Variants in LRRTM4 observed in about 807,000 individuals in gnomAD.
The protein encoded by LRRTM4 is leucine rich repeat transmembrane neuronal 4.
LRRTM4 carries 25 observed loss-of-function variants against 47.6 expected under a neutral mutation model. The observed-to-expected ratio is 0.53, with a 90% CI of 0.38 to 0.73. The LOEUF (loss-of-function observed/expected upper bound fraction) is 0.73, where lower values mean the gene tolerates loss of function less well. Ranked by LOEUF, LRRTM4 falls within the 30% of genes least tolerant of loss-of-function variation. The pLI is 0.00. For missense variants in LRRTM4, 638 were observed against 713.4 expected (o/e 0.89, Z 1.20); for synonymous variants, 311 against 269.5 (o/e 1.15, Z -1.51).
At chr2:77,322,084 G>T (rs913006801) in intron 3 of LRRTM4, among the ~76,000 whole-genome samples, 2 of 152,120 alleles carry the variant, frequency 1.3e-5, no homozygotes, top group Non-Finnish European at 2.9e-5. Context: ...GAGTTTCAAA[G>T]GTAATCTAGT....
intron 3 of LRRTM4, among the ~76,000 whole-genome samples, chr2:76,995,006 C>A (rs534252073): frequency 1.3e-5 from 2 of 152,036 alleles, no homozygotes; most frequent in African/African-American, 4.8e-5. Flanking sequence ...CAAGGGTAGA[C>A]CTCAGAGTTG....
At chr2:77,079,697 C>G (rs912127796) in intron 3 of LRRTM4, among the ~76,000 whole-genome samples, 1 of 152,060 alleles carries the variant, frequency 6.6e-6, no homozygotes, top group Non-Finnish European at 1.5e-5. Context: ...TATTCTGATT[C>G]CTGATCTTCC....
chr2:77,099,501 A>C (rs1670896214), intron 3 of LRRTM4, among the ~76,000 whole-genome samples: 1 of 152,042 alleles, frequency 6.6e-6, no homozygotes, highest in South Asian at 2.1e-4. Context: ...AATAATCTTA[A>C]GCAAACTCCA....
At chr2:77,161,796 T>C (rs756437465) in intron 3 of LRRTM4, among the ~76,000 whole-genome samples, 1 of 152,214 alleles carries the variant, frequency 6.6e-6, no homozygotes, top group Non-Finnish European at 1.5e-5. Flanking sequence ...TTTTCTTCTT[T>C]AGTAAAATAT....
intron 3 of LRRTM4, among the ~76,000 whole-genome samples, chr2:77,111,050 A>C (rs1023849762): frequency 2.0e-5 from 3 of 152,216 alleles, no homozygotes; most frequent in African/African-American, 7.2e-5. Flanking sequence ...GAGAAGCAAG[A>C]AGTGGCTATT....
intron 3 of LRRTM4, among the ~76,000 whole-genome samples, chr2:77,131,367 C>T (rs1453320896): frequency 1.3e-5 from 2 of 152,114 alleles, no homozygotes; most frequent in African/African-American, 4.8e-5. Flanking sequence ...CCTGAAATTC[C>T]AAGTCTTTTA....
chr2:76,754,912 G>A (rs1368250316), intron 3 of LRRTM4, among the ~76,000 whole-genome samples: 3 of 152,086 alleles, frequency 2.0e-5, no homozygotes, highest in Non-Finnish European at 4.4e-5. Flanking sequence ...CTCATCACAA[G>A]CACATGTGCA....
intron 3 of LRRTM4, among the ~76,000 whole-genome samples, chr2:76,964,648 TTAA>T (rs1675965104): frequency 7.1e-6 from 1 of 141,656 alleles, no homozygotes; most frequent in East Asian, 2.0e-4. Flanking sequence ...AGATCTAAAA[TTAA>T]TAATCTAATC....
chr2:77,005,535 T>C (rs1324666272), intron 3 of LRRTM4, among the ~76,000 whole-genome samples: 1 of 152,164 alleles, frequency 6.6e-6, no homozygotes, highest in African/African-American at 2.4e-5. Flanking sequence ...AAATCTCACC[T>C]TGAATTGTAA....
chr2:77,495,540 G>T (rs757017477), intron 3 of LRRTM4, among the ~76,000 whole-genome samples: 34 of 151,810 alleles, frequency 2.2e-4, no homozygotes, highest in Non-Finnish European at 4.0e-4. Context: ...TTGCATTTAG[G>T]TCTATGATCC....
chr2:77,326,248 G>A (rs1420950805), intron 3 of LRRTM4, among the ~76,000 whole-genome samples: 1 of 152,138 alleles, frequency 6.6e-6, no homozygotes, highest in African/African-American at 2.4e-5. Context: ...TCCTTACGAA[G>A]TTTCTCACAT....
chr2:77,473,029 C>T lies in LRRTM4; in HGVS notation c.1551+45289G>A, dbSNP rs542446116. On this transcript the variant is annotated intron_variant, in intron 3 of 3. Coordinates refer to ENST00000409884, the MANE Select transcript of LRRTM4 (RefSeq NM_001134745.3). ...TAAATAGATACATACAAAAATTAAA[C>T]CTGGAAGCAGCCTAGAGTAGATTGA... 9.2e-5 allele frequency among the ~76,000 whole-genome samples: 14 copies of T among 152,150 alleles called. No individual in the cohort carries two copies. In the East Asian group the frequency reaches 2.7e-3, roughly 29 times the overall value.
chr2:76,793,750 A>G (rs1675105127), intron 3 of LRRTM4, among the ~76,000 whole-genome samples: 1 of 152,158 alleles, frequency 6.6e-6, no homozygotes, highest in Non-Finnish European at 1.5e-5. Flanking sequence ...GCCCACCAGT[A>G]TGAACTTATA....
intron 3 of LRRTM4, among the ~76,000 whole-genome samples, chr2:77,007,273 G>T (rs928176564): frequency 2.0e-5 from 3 of 152,186 alleles, no homozygotes; most frequent in African/African-American, 7.2e-5. Context: ...ACAGAGGATT[G>T]TGAGTAAAAA....
At chr2:77,070,218 A>G (rs957294997) in intron 3 of LRRTM4, among the ~76,000 whole-genome samples, 2 of 151,996 alleles carry the variant, frequency 1.3e-5, no homozygotes, top group African/African-American at 4.8e-5. Context: ...TGCTTCTTAC[A>G]GAGGCTCAGT....
intron 3 of LRRTM4, among the ~76,000 whole-genome samples, chr2:77,000,605 G>C (rs553936767): frequency 1.3e-5 from 2 of 152,252 alleles, no homozygotes; most frequent in African/African-American, 4.8e-5. Context: ...AAGATGAAGT[G>C]GAAGGTATCT....
chr2:77,139,077 T>C (rs561089063), intron 3 of LRRTM4, among the ~76,000 whole-genome samples: 14 of 152,290 alleles, frequency 9.2e-5, no homozygotes, highest in Non-Finnish European at 5.9e-5. Flanking sequence ...CTTCTGAAAC[T>C]ATTCCAATCA....
At chr2:76,764,942 G>A (rs1416602416) in intron 3 of LRRTM4, among the ~76,000 whole-genome samples, 1 of 152,174 alleles carries the variant, frequency 6.6e-6, no homozygotes, top group East Asian at 1.9e-4. Context: ...AGCCTTGGGG[G>A]CAGGACCCCA....
At chr2:76,910,828 T>C (rs1364270299) in intron 3 of LRRTM4, among the ~76,000 whole-genome samples, 7 of 152,186 alleles carry the variant, frequency 4.6e-5, no homozygotes, top group African/African-American at 1.7e-4. Flanking sequence ...GGAATATATC[T>C]TGATTATGTC....
Sources: allele counts gnomAD v4.1 joint callset (sites outside exome capture counted in the v4.1 genomes callset), GRCh38; gene constraint gnomAD v4.1.1; transcripts MANE v1.5; gene names NCBI Gene and HGNC (gene_info 2026-07-23, HGNC 2026-07-21).